RTL4: variants seen among roughly 807,000 people sequenced by gnomAD.
RTL4 encodes the protein retrotransposon Gag like 4.
A neutral mutation model predicts 5.3 loss-of-function variants in RTL4; 4 were observed. The observed-to-expected ratio is 0.75, with a 90% CI of 0.37 to 1.72. The LOEUF (loss-of-function observed/expected upper bound fraction) is 1.72, where lower values mean the gene tolerates loss of function less well. RTL4 is among the 40% of genes most tolerant of loss of function. The pLI is 0.04. For missense variants in RTL4, 260 were observed against 227.1 expected, an observed-to-expected ratio of 1.14 and a Z score of -0.93; for synonymous variants, 98 against 87.3, an observed-to-expected ratio of 1.12 and a Z score of -0.68.
the RTL4 span, among the ~76,000 whole-genome samples, chrX:112,157,259 T>A: frequency 1.8e-5 from 2 of 111,696 alleles, no homozygotes; most frequent in Admixed American, 1.9e-4. Context: ...CCCCATTTTT[T>A]AAAGTGAAAC....
the RTL4 span, among the ~76,000 whole-genome samples, chrX:112,159,847 T>C: frequency 9.0e-6 from 1 of 110,866 alleles, no homozygotes; most frequent in African/African-American, 3.3e-5. Flanking sequence ...CCTACACCTC[T>C]GTTTTTCTCC....
the RTL4 span, among the ~76,000 whole-genome samples, chrX:112,416,605 C>A: frequency 9.0e-6 from 1 of 111,716 alleles, no homozygotes; most frequent in African/African-American, 3.3e-5. Flanking sequence ...CTAATTGGAG[C>A]CTTGCATTCT....
the RTL4 span, among the ~76,000 whole-genome samples, chrX:112,132,848 C>G: frequency 7.1e-5 from 8 of 112,361 alleles, no homozygotes; most frequent in Admixed American, 6.6e-4. Flanking sequence ...TTCCATACTT[C>G]CAACATGGCA....
the RTL4 span, among the ~76,000 whole-genome samples, chrX:112,321,155 T>G: frequency 1.8e-5 from 2 of 111,493 alleles, no homozygotes; most frequent in African/African-American, 6.5e-5. Flanking sequence ...CTAGGTATAA[T>G]GAAAAAAATT....
At chrX:112,144,244 G>C in the RTL4 span, among the ~76,000 whole-genome samples, 1 of 111,187 alleles carries the variant, frequency 9.0e-6, no homozygotes, top group Admixed American at 9.6e-5. Flanking sequence ...GCCTCTAGTC[G>C]CTCCTTTTAG....
the RTL4 span, among the ~76,000 whole-genome samples, chrX:112,382,809 C>T: frequency 8.9e-6 from 1 of 111,788 alleles, no homozygotes; most frequent in Non-Finnish European, 1.9e-5. Context: ...AAGTGCTAGG[C>T]AGAGTGACCT....
At chrX:112,270,861 GAA>G in the RTL4 span, among the ~76,000 whole-genome samples, 247 of 110,318 alleles carry the variant, frequency 2.2e-3, no homozygotes, top group African/African-American at 7.9e-3. Context: ...AGGCTGTAAA[GAA>G]GAGGCATTTG....
At chrX:112,311,460 C>A in the RTL4 span, among the ~76,000 whole-genome samples, 1 of 110,521 alleles carries the variant, frequency 9.0e-6, no homozygotes, top group African/African-American at 3.3e-5. Context: ...GATGAGAGCA[C>A]TGGACAAGAA....
At chrX:112,154,763 C>A in the RTL4 span, among the ~76,000 whole-genome samples, 7 of 111,677 alleles carry the variant, frequency 6.3e-5, no homozygotes, top group African/African-American at 2.3e-4. Flanking sequence ...AAATGAAGAA[C>A]CACAAGATCA....
the RTL4 span, among the ~76,000 whole-genome samples, chrX:112,240,015 A>G: frequency 8.9e-6 from 1 of 112,468 alleles, no homozygotes; most frequent in Admixed American, 9.5e-5. Flanking sequence ...TGTTGAAATT[A>G]TCTGGATTTT....
At chrX:112,173,778 G>A in the RTL4 span, among the ~76,000 whole-genome samples, 1 of 110,338 alleles carries the variant, frequency 9.1e-6, no homozygotes, top group African/African-American at 3.3e-5. Flanking sequence ...ACATTTAGAT[G>A]TTTTGATACT....
At chrX:112,347,526 A>T in the RTL4 span, among the ~76,000 whole-genome samples, 5,884 of 111,199 alleles carry the variant, frequency 0.053, 401 homozygotes, top group African/African-American at 0.18. Context: ...AGAAAAGCAG[A>T]CCACAAAATC....
the RTL4 span, among the ~76,000 whole-genome samples, chrX:112,175,867 A>T: frequency 1.8e-5 from 2 of 111,376 alleles, no homozygotes; most frequent in Admixed American, 9.6e-5. Context: ...TACTGTTGGA[A>T]GTTCTGGCCA....
At chrX:112,394,779 A>T in the RTL4 span, among the ~76,000 whole-genome samples, 4 of 112,201 alleles carry the variant, frequency 3.6e-5, no homozygotes, top group African/African-American at 6.5e-5. Flanking sequence ...AATAAATAAG[A>T]TTTCCCCATT....
the RTL4 span, among the ~76,000 whole-genome samples, chrX:112,121,943 G>C: frequency 9.0e-6 from 1 of 111,578 alleles, no homozygotes; most frequent in African/African-American, 3.3e-5. Context: ...TCAGCCCTTA[G>C]CAAGCTAGGC....
the RTL4 span, among the ~76,000 whole-genome samples, chrX:112,240,820 C>T: frequency 9.1e-6 from 1 of 110,268 alleles, no homozygotes; most frequent in South Asian, 3.9e-4. Flanking sequence ...TGCTATCCCT[C>T]CCCCCACCGC....
the RTL4 span, among the ~76,000 whole-genome samples, chrX:112,327,180 G>A: frequency 8.9e-6 from 1 of 112,232 alleles, no homozygotes; most frequent in Non-Finnish European, 1.9e-5. Context: ...AGCTCAGTGA[G>A]GAAGGCTTCA....
chrX:112,092,653 G>A, the RTL4 span, among the ~76,000 whole-genome samples: 2 of 111,458 alleles, frequency 1.8e-5, no homozygotes, highest in Non-Finnish European at 3.8e-5. Flanking sequence ...TAAGTCCCAC[G>A]TGTTGTGGGA....
chrX:112,452,841 G>A (rs891640074), upstream of RTL4, among the ~76,000 whole-genome samples: 3 of 110,689 alleles, frequency 2.7e-5, no homozygotes, highest in African/African-American at 9.9e-5. Flanking sequence ...AGACCAGCCT[G>A]GCCAACATGG....
Sources: gnomAD v4.1 joint callset for allele counts (sites outside exome capture counted in the v4.1 genomes callset) on GRCh38, gnomAD v4.1.1 for gene constraint, MANE v1.5 for transcripts, NCBI Gene and HGNC (gene_info 2026-07-23, HGNC 2026-07-21) for gene names.